The following RANBP17 variants were observed in gnomAD, a reference collection of about 807,000 sequenced individuals.
The protein encoded by RANBP17 is RAN binding protein 17, also known as ran-binding protein 17.
In RANBP17, 158 loss-of-function variants were observed where a neutral mutation model predicts 141.2. The ratio of observed to expected loss-of-function variants is 1.12; its 90% CI spans 0.98 to 1.28. The LOEUF is 1.28. Ranked by LOEUF, RANBP17 falls within the 50% of genes most tolerant of loss-of-function variation. RANBP17 has a pLI of 0.00. For synonymous variants in RANBP17, 430 were observed against 450.0 expected (o/e 0.96, Z 0.56); for missense variants, 1,438 against 1,290.7 (o/e 1.11, Z -1.75).
At chr5:171,125,104 G>C (rs1186720573) in intron 14 of RANBP17, among the ~76,000 whole-genome samples, 2 of 152,046 alleles carry the variant, frequency 1.3e-5, no homozygotes, top group Middle Eastern at 3.2e-3. Flanking sequence ...AAACCAGCCT[G>C]GTCAACATGG....
At chr5:171,006,497 C>CA (rs1307385013) in intron 14 of RANBP17, among the ~76,000 whole-genome samples, 4 of 151,808 alleles carry the variant, frequency 2.6e-5, no homozygotes, top group Non-Finnish European at 5.9e-5. Context: ...ATCGCAAGGA[C>CA]AAAAAACCAA....
intron 5 of RANBP17, chr5:170,897,134 C>T (rs766686087): frequency 2.4e-4 from 197 of 826,838 alleles, no homozygotes; most frequent in Admixed American, 3.6e-4. Flanking sequence ...GCAGGGACCA[C>T]TGAGAGATGT....
rs980382498 is a variant in RANBP17 at position 170,953,689 on chromosome 5, G to A, written c.1561G>A (p.Glu521Lys). 6.3e-7 allele frequency: 1 copy of A among 1,596,420 alleles called. No individual in the cohort carries two copies. Among genetic ancestry groups the A allele is most frequent in the Admixed American group, 1.7e-5 (1 of 59,488 alleles). ...STDEHDAMDG[E>K]LSCRVFQLIS... The stretch of plus-strand genomic sequence containing the variant: ...AGATGAGCATGATGCTATGGATGGA[G>A]AATTATCCTGTCGGTAAGTAAGAGC... Residue 521 changes from glutamate to lysine, a missense_variant, in exon 13 of 28, where the codon GAA becomes AAA. Transcript: ENST00000523189.
chr5:170,997,788 A>G (rs1778916745), intron 14 of RANBP17, among the ~76,000 whole-genome samples: 1 of 152,182 alleles, frequency 6.6e-6, no homozygotes, highest in African/African-American at 2.4e-5. Context: ...ATTAAATAAT[A>G]TAATAAGATC....
chr5:171,141,845 C>CCTAA (rs1757725433), intron 14 of RANBP17, among the ~76,000 whole-genome samples: 1 of 151,996 alleles, frequency 6.6e-6, no homozygotes, highest in Non-Finnish European at 1.5e-5. Flanking sequence ...TGGTTGATGA[C>CCTAA]CTAACGCTGA....
At chr5:170,912,986 C>T (rs1177815385) in intron 7 of RANBP17, among the ~76,000 whole-genome samples, 1 of 151,842 alleles carries the variant, frequency 6.6e-6, no homozygotes, top group East Asian at 1.9e-4. Context: ...AAGTCTCCTC[C>T]TACAGAGGAT....
chr5:170,912,618 A>G (rs1282804830), intron 7 of RANBP17, among the ~76,000 whole-genome samples: 1 of 151,962 alleles, frequency 6.6e-6, no homozygotes, highest in East Asian at 1.9e-4. Context: ...TCAAAATAAA[A>G]CATCCAGTGG....
intron 14 of RANBP17, among the ~76,000 whole-genome samples, chr5:171,122,063 G>T (rs897101690): frequency 2.6e-5 from 4 of 152,132 alleles, no homozygotes; most frequent in African/African-American, 7.2e-5. Flanking sequence ...GGCTGGTGGG[G>T]TTCTTCTGCT....
intron 14 of RANBP17, among the ~76,000 whole-genome samples, chr5:171,149,766 C>A (rs1426400945): frequency 1.3e-5 from 2 of 152,142 alleles, no homozygotes; most frequent in African/African-American, 4.8e-5. Flanking sequence ...TCTCTTAAAT[C>A]TATGGAACGT....
chr5:170,929,638 A>G (rs1274903847), intron 12 of RANBP17, among the ~76,000 whole-genome samples: 1 of 152,134 alleles, frequency 6.6e-6, no homozygotes, highest in Non-Finnish European at 1.5e-5. Flanking sequence ...GTTATTTTAT[A>G]TCAGTGTTTA....
intron 14 of RANBP17, among the ~76,000 whole-genome samples, chr5:171,152,258 A>AG (rs2127834744): frequency 6.6e-6 from 1 of 151,868 alleles, no homozygotes; most frequent in East Asian, 1.9e-4. Flanking sequence ...ACTAAAAAAA[A>AG]AAAAGTAAAA....
intron 18 of RANBP17, among the ~76,000 whole-genome samples, chr5:171,185,656 A>G (rs1331105233): frequency 2.0e-5 from 3 of 152,202 alleles, no homozygotes; most frequent in Non-Finnish European, 2.9e-5. Flanking sequence ...TCACATCTTC[A>G]GGCTCCACTT....
chr5:171,218,832 G>A (rs562042054), intron 21 of RANBP17, among the ~76,000 whole-genome samples: 8 of 151,790 alleles, frequency 5.3e-5, no homozygotes, highest in African/African-American at 9.7e-5. Flanking sequence ...ACAGCACACC[G>A]ATGGGTCTTG....
At chr5:171,157,323 A>G (rs538259104) in intron 14 of RANBP17, among the ~76,000 whole-genome samples, 28 of 152,342 alleles carry the variant, frequency 1.8e-4, no homozygotes, top group South Asian at 6.2e-4. Context: ...ATCTGCATGT[A>G]TATTTCAGTA....
At chr5:171,230,014 G>A (rs757623427) in intron 22 of RANBP17, among the ~76,000 whole-genome samples, 1 of 151,938 alleles carries the variant, frequency 6.6e-6, no homozygotes, top group Non-Finnish European at 1.5e-5. Context: ...GCAGTGAGCC[G>A]AGATCGTGCC....
At chr5:171,231,797 A>G (rs572109444) in intron 22 of RANBP17, among the ~76,000 whole-genome samples, 6 of 152,222 alleles carry the variant, frequency 3.9e-5, no homozygotes, top group Admixed American at 3.3e-4. Flanking sequence ...ACTCATTTCT[A>G]TTTTTCTTCT....
intron 16 of RANBP17, among the ~76,000 whole-genome samples, chr5:171,180,469 T>G (rs1375939776): frequency 6.6e-6 from 1 of 152,202 alleles, no homozygotes; most frequent in African/African-American, 2.4e-5. Flanking sequence ...AAGAGGTGTT[T>G]TGAATAGACC....
At chr5:171,155,959 G>T (rs1391166456) in intron 14 of RANBP17, among the ~76,000 whole-genome samples, 1 of 152,056 alleles carries the variant, frequency 6.6e-6, no homozygotes, top group African/African-American at 2.4e-5. Flanking sequence ...AAAATGCCCT[G>T]ATTAATTTAA....
At chr5:171,147,341 G>A (rs1371815284) in intron 14 of RANBP17, among the ~76,000 whole-genome samples, 2 of 127,062 alleles carry the variant, frequency 1.6e-5, no homozygotes, top group African/African-American at 6.8e-5. Flanking sequence ...TGGTTGTTTT[G>A]TGTGTGTGTG....
Sources: gnomAD v4.1 joint callset for allele counts (sites outside exome capture counted in the v4.1 genomes callset) on GRCh38, gnomAD v4.1.1 for gene constraint, MANE v1.5 for transcripts, NCBI Gene and HGNC (gene_info 2026-07-23, HGNC 2026-07-21) for gene names.